The following NRG3 variants were observed in gnomAD, a reference collection of about 807,000 sequenced individuals.
The protein encoded by NRG3 is pro-neuregulin-3, membrane-bound isoform.
NRG3 carries 31 observed loss-of-function variants against 66.9 expected under a neutral mutation model. The ratio of observed to expected loss-of-function variants is 0.46; its 90% confidence interval spans 0.35 to 0.63. The LOEUF is 0.63. NRG3 is among the 20% of genes least tolerant of loss of function. NRG3 has a pLI of 0.00. For synonymous variants in NRG3, 393 were observed against 359.4 expected (o/e 1.09, Z -1.06); for missense variants, 910 against 878.9 (o/e 1.04, Z -0.45).
At chr10:82,094,434 G>A (rs920332929) in intron 1 of NRG3, among the ~76,000 whole-genome samples, 6 of 152,286 alleles carry the variant, frequency 3.9e-5, no homozygotes, top group African/African-American at 1.4e-4. Context: ...AAAGTATGAC[G>A]ATTTCTCAGA....
chr10:82,251,606 C>T (rs775528828), intron 1 of NRG3, among the ~76,000 whole-genome samples: 6 of 152,138 alleles, frequency 3.9e-5, no homozygotes, highest in Non-Finnish European at 8.8e-5. Flanking sequence ...CCTGGTGCCG[C>T]TCCTGACCAC....
At chr10:82,825,371 T>A (rs774060220) in intron 3 of NRG3, among the ~76,000 whole-genome samples, 2 of 152,248 alleles carry the variant, frequency 1.3e-5, no homozygotes, top group Non-Finnish European at 2.9e-5. Flanking sequence ...ATCATCCCAA[T>A]ACTTTACAGG....
Position 81,875,773 on chromosome 10 carries a change from G to T in NRG3, c.433G>T (p.Ala145Ser). 6.2e-7 allele frequency: 1 copy of T among 1,611,538 alleles called. No individual in the cohort carries two copies. ...CCCCGCCACCCCCTCCGCCGGGGGTGCCGCCTCCTCCAGGACGCCCAACCG... is the reference window on the plus strand; with the variant it reads ...CCCCGCCACCCCCTCCGCCGGGGGTTCCGCCTCCTCCAGGACGCCCAACCG... ...TSPATPSAGG[A>S]ASSRTPNRIS... The change falls in exon 1 of 9, where the codon GCC becomes TCC. Residue 145 changes from alanine to serine, a missense_variant. Physicochemically the swap from Ala to Ser is moderately conservative, Grantham distance 99. Transcript: ENST00000372141. This position sits in a 1 kb window ranked among gnomAD's most constrained non-coding sequence, Gnocchi z 5.3.
intron 3 of NRG3, among the ~76,000 whole-genome samples, chr10:82,742,555 G>A (rs113194796): frequency 0.032 from 4,829 of 152,104 alleles, 275 homozygotes; most frequent in African/African-American, 0.11. Context: ...ACCACAAGTC[G>A]CATTCAGATC....
At chr10:82,329,357 G>A (rs1253597826) in intron 1 of NRG3, among the ~76,000 whole-genome samples, 1 of 146,838 alleles carries the variant, frequency 6.8e-6, no homozygotes, top group Admixed American at 6.8e-5. Context: ...TTTTTCTTTT[G>A]CCTCAATTAC....
At position 82,041,779 on chromosome 10, in the gene NRG3, T is replaced by C. The variant is rs1416518787; in HGVS notation, c.823+165616T>C. On this transcript the variant is annotated intron_variant, in intron 1 of 8. Transcript: ENST00000372141. ...TTCCTTCTTTCCTTCTTTTCTTCCT[T>C]TTTGCCATATGAAAGAAGAATGGTC... 2.7e-5 allele frequency among the ~76,000 whole-genome samples: 4 copies of C among 150,454 alleles called. No homozygotes were observed. The Admixed American group carries it at 2.7e-4, about 10-fold the overall frequency.
intron 1 of NRG3, among the ~76,000 whole-genome samples, chr10:81,931,923 A>G (rs1847387590): frequency 6.6e-6 from 1 of 152,102 alleles, no homozygotes; most frequent in African/African-American, 2.4e-5. Context: ...AAGAGTCTGA[A>G]CTCTGGGCAA....
intron 3 of NRG3, among the ~76,000 whole-genome samples, chr10:82,802,681 C>A (rs1033233788): frequency 2.6e-5 from 4 of 151,846 alleles, no homozygotes; most frequent in Non-Finnish European, 4.4e-5. Flanking sequence ...GAGACAAGAT[C>A]TCGCTCTGTC....
At chr10:82,069,546 C>T (rs60502178) in intron 1 of NRG3, among the ~76,000 whole-genome samples, 4,514 of 151,356 alleles carry the variant, frequency 0.03, 232 homozygotes, top group African/African-American at 0.1. Flanking sequence ...CAAAGTCATA[C>T]GGGGCATGAG....
At chr10:82,641,929 A>C (rs1244545597) in intron 2 of NRG3, among the ~76,000 whole-genome samples, 1 of 152,140 alleles carries the variant, frequency 6.6e-6, no homozygotes. Context: ...TAGGGTATTC[A>C]TCATCCAAAT....
intron 1 of NRG3, among the ~76,000 whole-genome samples, chr10:82,007,435 T>A (rs1302649457): frequency 6.6e-6 from 1 of 151,952 alleles, no homozygotes; most frequent in Non-Finnish European, 1.5e-5. Flanking sequence ...TTTCGATCTC[T>A]TGACTTTGTG....
intron 2 of NRG3, among the ~76,000 whole-genome samples, chr10:82,608,988 C>T (rs1161563996): frequency 6.6e-6 from 1 of 152,072 alleles, no homozygotes; most frequent in Non-Finnish European, 1.5e-5. Context: ...ATGTTCCTAC[C>T]CTGATAGCCC....
chr10:82,057,833 C>A (rs1373772749), intron 1 of NRG3, among the ~76,000 whole-genome samples: 1 of 152,188 alleles, frequency 6.6e-6, no homozygotes, highest in Non-Finnish European at 1.5e-5. Flanking sequence ...AGTCTTCAAT[C>A]TGGCCTTCTA....
At chr10:82,513,770 ACT>A (rs1227800681) in intron 2 of NRG3, among the ~76,000 whole-genome samples, 1 of 152,048 alleles carries the variant, frequency 6.6e-6, no homozygotes, top group Non-Finnish European at 1.5e-5. Context: ...ATAGAATGAG[ACT>A]CTGTCTCAAA....
intron 2 of NRG3, among the ~76,000 whole-genome samples, chr10:82,427,349 C>A (rs2089516044): frequency 6.6e-6 from 1 of 151,928 alleles, no homozygotes; most frequent in Admixed American, 6.6e-5. Context: ...TGTGAAAGTT[C>A]TTTTTTATTC....
rs2057555342 is a variant in NRG3, at chr10:82,725,622, T to TA, written c.954-12951dup. On this transcript the variant is annotated intron_variant, in intron 2 of 8. Coordinates refer to ENST00000372141, the MANE Select transcript of NRG3 (RefSeq NM_001010848.4). ...TCAGATTATTGTATTCCAACATAGGTAAAATTGATGGATTTAGCAAATAAA... is the reference window on the plus strand; with the variant it reads ...TCAGATTATTGTATTCCAACATAGGTAAAAATTGATGGATTTAGCAAATAAA... 2.6e-5 allele frequency among the ~76,000 whole-genome samples: 4 copies of TA among 152,298 alleles called. No individual in the cohort carries two copies. In the South Asian group the frequency reaches 8.3e-4, roughly 32 times the overall value.
intron 1 of NRG3, among the ~76,000 whole-genome samples, chr10:82,057,566 T>C (rs960426516): frequency 6.6e-6 from 1 of 152,212 alleles, no homozygotes; most frequent in African/African-American, 2.4e-5. Flanking sequence ...ATTTCTAGGC[T>C]ACTTTCAGAT....
At chr10:82,126,475 A>T (rs1390127488) in intron 1 of NRG3, among the ~76,000 whole-genome samples, 3 of 152,038 alleles carry the variant, frequency 2.0e-5, no homozygotes, top group East Asian at 1.9e-4. Flanking sequence ...GTCCTAGTAG[A>T]TGTTTCGGTA....
intron 1 of NRG3, among the ~76,000 whole-genome samples, chr10:81,948,224 C>A (rs1201115563): frequency 1.3e-5 from 2 of 152,238 alleles, no homozygotes; most frequent in East Asian, 1.9e-4. Flanking sequence ...TTTAGATTCA[C>A]AACAACATTG....
Sources: gnomAD v4.1 joint callset for allele counts (sites outside exome capture counted in the v4.1 genomes callset) on GRCh38, gnomAD v4.1.1 for gene constraint, Gnocchi (gnomAD v3.1) non-coding constraint, MANE v1.5 for transcripts, NCBI Gene and HGNC (gene_info 2026-07-23, HGNC 2026-07-21) for gene names.